The following KRABD2 variants were observed in gnomAD, a reference collection of about 807,000 sequenced individuals.
KRABD2 encodes KRAB domain-containing protein 2.
chr17:8,363,112 T>C, the KRABD2 span, among the ~76,000 whole-genome samples: 68 of 152,174 alleles, frequency 4.5e-4, no homozygotes, highest in Middle Eastern at 3.4e-3. Context: ...CTAGGGGCAG[T>C]GAGGGAGAAT....
the KRABD2 span, chr17:8,365,675 C>A: frequency 6.6e-6 from 1 of 152,140 alleles, no homozygotes; most frequent in Non-Finnish European, 1.5e-5. Flanking sequence ...CAGAGAAAGC[C>A]CCTTCACATG....
the KRABD2 span, among the ~76,000 whole-genome samples, chr17:8,374,845 G>A: frequency 7.3e-6 from 1 of 137,810 alleles, no homozygotes; most frequent in African/African-American, 2.7e-5. Flanking sequence ...GGCTGAGGCA[G>A]GAGGATGACA....
At chr17:8,371,178 A>G in the KRABD2 span, 1 of 821,622 alleles carries the variant, frequency 1.2e-6, no homozygotes, top group Non-Finnish European at 1.9e-6. Flanking sequence ...AAAAAAAAAA[A>G]ATTTCTTATG....
chr17:8,369,334 G>A, the KRABD2 span: 627 of 1,614,170 alleles, frequency 3.9e-4, 3 homozygotes, highest in African/African-American at 6.6e-3. Context: ...ACAGTTTCCC[G>A]GGGCAAGTTT....
the KRABD2 span, chr17:8,375,807 C>T: frequency 8.7e-5 from 77 of 881,942 alleles, no homozygotes; most frequent in African/African-American, 3.7e-4. Flanking sequence ...CAATCAGCTT[C>T]TTGGTGTGAT....
At chr17:8,376,469 T>G in the KRABD2 span, 11 of 1,016,336 alleles carry the variant, frequency 1.1e-5, no homozygotes, top group Non-Finnish European at 1.3e-5. Flanking sequence ...CGCTTATTCC[T>G]GAGGACCGGG....
chr17:8,376,633 G>T, the KRABD2 span: 1 of 985,754 alleles, frequency 1.0e-6, no homozygotes, highest in Non-Finnish European at 1.2e-6. Flanking sequence ...GGAAGGTCAG[G>T]AAGGAGAAAG....
At chr17:8,367,731 C>T in the KRABD2 span, among the ~76,000 whole-genome samples, 1 of 151,380 alleles carries the variant, frequency 6.6e-6, no homozygotes, top group Non-Finnish European at 1.5e-5. Flanking sequence ...CTGCGGCCTT[C>T]CGCAGTGTTT....
the KRABD2 span, chr17:8,373,492 C>G: frequency 2.6e-5 from 5 of 193,420 alleles, no homozygotes; most frequent in South Asian, 3.8e-4. Context: ...GTTGCCCAGG[C>G]TGGAGTGCAG....
At chr17:8,363,849 A>ATATATATATC in the KRABD2 span, among the ~76,000 whole-genome samples, 2 of 88,636 alleles carry the variant, frequency 2.3e-5, no homozygotes, top group Admixed American at 3.0e-4. Context: ...ATATATATAT[A>ATATATATATC]TATATATATA....
At chr17:8,376,456 G>T in the KRABD2 span, 1 of 1,027,534 alleles carries the variant, frequency 9.7e-7, no homozygotes, top group Non-Finnish European at 1.2e-6. Context: ...ACACGGGCAC[G>T]CCCGCTTATT....
chr17:8,376,045 C>G, the KRABD2 span: 1 of 1,231,754 alleles, frequency 8.1e-7, no homozygotes, highest in Non-Finnish European at 1.0e-6. Context: ...ACAACCTGTA[C>G]CACACTCACT....
the KRABD2 span, among the ~76,000 whole-genome samples, chr17:8,365,208 G>C: frequency 2.3e-4 from 35 of 152,134 alleles, no homozygotes; most frequent in Non-Finnish European, 2.9e-5. Context: ...ATGCAAAAGA[G>C]GAAGAGTGAT....
At chr17:8,359,084 G>T in the KRABD2 span, among the ~76,000 whole-genome samples, 1 of 152,110 alleles carries the variant, frequency 6.6e-6, no homozygotes, top group Non-Finnish European at 1.5e-5. Context: ...TCTCAACATT[G>T]CCGTTTTTTA....
At chr17:8,359,175 C>T in the KRABD2 span, among the ~76,000 whole-genome samples, 9 of 152,280 alleles carry the variant, frequency 5.9e-5, no homozygotes, top group South Asian at 4.1e-4. Flanking sequence ...ATTCAAGTAG[C>T]GCATCTGTGG....
chr17:8,369,234 A>G, the KRABD2 span: 3 of 1,614,132 alleles, frequency 1.9e-6, no homozygotes, highest in Admixed American at 1.7e-5. Flanking sequence ...GTCTGCTCCA[A>G]TCTCAGCCCT....
chr17:8,372,098 G>A, the KRABD2 span: 1 of 985,190 alleles, frequency 1.0e-6, no homozygotes, highest in Non-Finnish European at 1.2e-6. This position sits in a 1 kb window ranked among gnomAD's most constrained non-coding sequence, Gnocchi z 4.1. Flanking sequence ...AGCAGAGAAA[G>A]ATGGAAACTT....
chr17:8,372,060 A>G, the KRABD2 span: 1 of 985,608 alleles, frequency 1.0e-6, no homozygotes, highest in African/African-American at 1.7e-5. The surrounding 1 kb of genome is among the most constrained non-coding windows in gnomAD (Gnocchi z 4.1). Context: ...TCAGATGCAG[A>G]GCGGAGGGGC....
At chr17:8,367,189 G>A in the KRABD2 span, 1 of 152,208 alleles carries the variant, frequency 6.6e-6, no homozygotes, top group Middle Eastern at 3.4e-3. Flanking sequence ...ACTACAATGA[G>A]AAGTGTGTCT....
Sources: gnomAD v4.1 joint callset for allele counts (sites outside exome capture counted in the v4.1 genomes callset) on GRCh38, gnomAD v4.1.1 for gene constraint, Gnocchi (gnomAD v3.1) non-coding constraint, MANE v1.5 for transcripts, NCBI Gene and HGNC (gene_info 2026-07-23, HGNC 2026-07-21) for gene names.